The following PCCB variants were observed in gnomAD, a reference collection of about 807,000 sequenced individuals.
The protein encoded by PCCB is propionyl-CoA carboxylase beta chain, mitochondrial.
Under a neutral mutation model 60.7 loss-of-function variants are expected in PCCB, and 43 were observed. The ratio of observed to expected loss-of-function variants is 0.71; its 90% CI spans 0.55 to 0.91. The LOEUF is 0.91. Ranked by LOEUF, PCCB falls within the 40% of genes least tolerant of loss-of-function variation. PCCB has a pLI of 0.00. For missense variants in PCCB, 766 were observed against 702.8 expected (o/e 1.09, Z -1.02); for synonymous variants, 276 against 255.9 (o/e 1.08, Z -0.75).
At chr3:136,311,615 T>TA (rs1934670455) in intron 9 of PCCB, among the ~76,000 whole-genome samples, 1 of 152,118 alleles carries the variant, frequency 6.6e-6, no homozygotes. Flanking sequence ...GCTGGGATTT[T>TA]AGGTGTGAGC....
At chr3:136,318,120 C>T (rs533413616) in intron 10 of PCCB, among the ~76,000 whole-genome samples, 9 of 152,182 alleles carry the variant, frequency 5.9e-5, no homozygotes, top group East Asian at 1.9e-4. Flanking sequence ...GGGTGGATCA[C>T]GAGGTCTGGA....
chr3:136,305,475 G>A (rs1474416513), intron 9 of PCCB, among the ~76,000 whole-genome samples: 1 of 120,936 alleles, frequency 8.3e-6, no homozygotes, highest in African/African-American at 2.5e-5. Flanking sequence ...CTGGCCGGGC[G>A]TGGTGGCTCA....
chr3:136,321,454 C>A (rs1408352317), intron 10 of PCCB, among the ~76,000 whole-genome samples: 11 of 152,212 alleles, frequency 7.2e-5, no homozygotes, highest in Non-Finnish European at 7.3e-5. Flanking sequence ...GGGAAGGCGT[C>A]AGGAAACTTA....
chr3:136,301,607 G>A (rs190153467), intron 9 of PCCB, among the ~76,000 whole-genome samples: 22 of 152,174 alleles, frequency 1.4e-4, no homozygotes, highest in Admixed American at 1.4e-3. Flanking sequence ...ATTAAGTAAA[G>A]GGGACAGTGT....
At chr3:136,256,447 T>C in intron 2 of PCCB, 108 bp from the exon 3 acceptor site, 1 of 792,764 alleles carries the variant, frequency 1.3e-6, no homozygotes, top group Middle Eastern at 2.2e-4. Flanking sequence ...CATATTGACG[T>C]TTTAGGAATT....
rs1348004019 is a variant in PCCB, at chr3:136,305,845, G to A, written c.966+4734G>A. On this transcript the variant is annotated intron_variant, in intron 9 of 14. Coordinates refer to ENST00000251654, the MANE Select transcript of PCCB (RefSeq NM_000532.5). Reference sequence around the variant, plus strand: ...TAAGAGTGCACACACAAATCAATACGGTAGTCAGGGGAAGGCATTACTTCT... The same window carrying A: ...TAAGAGTGCACACACAAATCAATACAGTAGTCAGGGGAAGGCATTACTTCT... Among the ~76,000 whole-genome samples, 4 of 121,226 alleles carry A rather than the reference G, an allele frequency of 3.3e-5. 1 individual carries two copies. The highest frequency in any genetic ancestry group is 5.5e-5 in the Non-Finnish European group (3 of 54,476). 79.5% of individuals were successfully genotyped at this position (121,226 alleles called of 152,430 possible).
At chr3:136,268,089 T>TATAGAG (rs1285737363) in intron 5 of PCCB, among the ~76,000 whole-genome samples, 5 of 13,936 alleles carry the variant, frequency 3.6e-4, no homozygotes, top group African/African-American at 8.8e-4. Flanking sequence ...TGTGTGTAGA[T>TATAGAG]ATATATATAT....
intron 8 of PCCB, among the ~76,000 whole-genome samples, chr3:136,300,083 C>T (rs979866960): frequency 6.1e-5 from 9 of 146,756 alleles, no homozygotes; most frequent in Admixed American, 4.0e-4. Context: ...TATGCATATA[C>T]GCATATCTAC....
chr3:136,262,119 C>A (rs1941844289), intron 5 of PCCB, 54 bp downstream of exon 5: 4 of 1,150,152 alleles, frequency 3.5e-6, no homozygotes, highest in Non-Finnish European at 5.1e-6. Flanking sequence ...GTTCTCTAAG[C>A]CATGGCCTGG....
intron 6 of PCCB, among the ~76,000 whole-genome samples, chr3:136,291,907 C>T (rs544237709): frequency 4.6e-5 from 7 of 152,250 alleles, no homozygotes; most frequent in Non-Finnish European, 7.4e-5. Flanking sequence ...AATGATTGGC[C>T]GGCCCTGGAG....
chr3:136,268,087 G>GATATATATATATATATATACAT (rs1942066895), intron 5 of PCCB, among the ~76,000 whole-genome samples: 1 of 93,800 alleles, frequency 1.1e-5, no homozygotes, highest in Non-Finnish European at 2.1e-5. Flanking sequence ...TGTGTGTGTA[G>GATATATATATATATATATACAT]ATATATATAT....
Position 136,255,921 on chromosome 3 carries a change from C to T in PCCB, c.249C>T (p.Asp83=), listed in dbSNP as rs1941661486. The T allele has an allele frequency of 4.3e-6, 7 of 1,614,154 alleles. No individual in the cohort carries two copies. Among genetic ancestry groups the T allele is most frequent in the Middle Eastern group, 3.3e-4 (2 of 6,062 alleles). ...LLDPGSFVES[D]MFVEHRCADF... is the part of the protein sequence containing the mutation. ...ACCCTGGCAGCTTTGTTGAGAGCGA[C>T]ATGTTTGTGGAACACAGATGTGCAG... The change falls in exon 2 of 15, where the codon GAC becomes GAT. Residue 83 remains aspartate (D), a synonymous_variant. Coordinates refer to ENST00000251654, the MANE Select transcript of PCCB (RefSeq NM_000532.5).
intron 5 of PCCB, among the ~76,000 whole-genome samples, chr3:136,276,766 T>C (rs1212833625): frequency 1.3e-5 from 2 of 152,172 alleles, no homozygotes; most frequent in Non-Finnish European, 2.9e-5. Flanking sequence ...CAAAGCTGCC[T>C]GATTGTTGGG....
chr3:136,255,898 C>G lies in PCCB; in HGVS notation c.226C>G (p.Pro76Ala). ...GGAGAGGATCAGTCTCTTGCTGGAC[C>G]CTGGCAGCTTTGTTGAGAGCGACAT... ...ARERISLLLD[P>A]GSFVESDMFV... Residue 76 changes from proline (P) to alanine (A), a missense_variant, in exon 2 of 15, where the codon CCT (proline) becomes GCT (alanine). Coordinates refer to ENST00000251654, the MANE Select transcript of PCCB (RefSeq NM_000532.5). The G allele has an allele frequency of 6.2e-7, 1 of 1,613,900 alleles. No individual in the cohort carries two copies. The highest frequency in any genetic ancestry group is 8.5e-7 in the Non-Finnish European group (1 of 1,179,956).
chr3:136,304,094 C>A (rs1409430997), intron 9 of PCCB, among the ~76,000 whole-genome samples: 1 of 120,364 alleles, frequency 8.3e-6, no homozygotes, highest in African/African-American at 2.5e-5. Context: ...TTGCTGTGTC[C>A]TCACGAGGTC....
At chr3:136,257,756 C>T (rs1054810574) in intron 3 of PCCB, among the ~76,000 whole-genome samples, 14 of 151,928 alleles carry the variant, frequency 9.2e-5, no homozygotes, top group Admixed American at 2.6e-4. Context: ...GCCAACATGG[C>T]GAAACTCCAT....
chr3:136,256,498 A>G lies in PCCB; in HGVS notation c.304-57A>G, dbSNP rs1576402704. ...TCTTTCATTGAGGCATAGTGGCCAA[A>G]CTCATTAGAAGAAGTATTTGGATTT... On this transcript the variant is annotated intron_variant, in intron 2 of 14. Transcript: ENST00000251654. 3 of 1,297,712 alleles carry G rather than the reference A, an allele frequency of 2.3e-6. No individual in the cohort carries two copies. The African/African-American group carries it at 4.4e-5, about 19-fold the overall frequency. The allele number at this position is 1,297,712 out of a possible 1,614,324, so 80.4% of individuals were successfully genotyped here. A position where few individuals can be genotyped will look rare whatever the true frequency, so the allele number is the denominator to read the frequency against.
intron 6 of PCCB, among the ~76,000 whole-genome samples, chr3:136,293,234 C>A (rs543953685): frequency 6.6e-6 from 1 of 152,306 alleles, no homozygotes; most frequent in Non-Finnish European, 1.5e-5. Flanking sequence ...AACTCCTGGC[C>A]TGAAGTGATC....
chr3:136,269,774 T>TACTC (rs1188120596), intron 5 of PCCB, among the ~76,000 whole-genome samples: 4 of 151,412 alleles, frequency 2.6e-5, no homozygotes, highest in African/African-American at 9.7e-5. Flanking sequence ...TAGTCCCAGC[T>TACTC]ACTCGGGAGG....
Sources: gnomAD v4.1 joint callset for allele counts (sites outside exome capture counted in the v4.1 genomes callset) on GRCh38, gnomAD v4.1.1 for gene constraint, MANE v1.5 for transcripts, NCBI Gene and HGNC (gene_info 2026-07-23, HGNC 2026-07-21) for gene names.